Variants in CLCN4 observed in about 807,000 individuals in gnomAD.
CLCN4 encodes the protein Cl-/H+ antiporter 4, also known as H(+)/Cl(-) exchange transporter 4.
A neutral mutation model predicts 41.7 loss-of-function variants in CLCN4; 1 was observed. The ratio of observed to expected loss-of-function variants is 0.02; its 90% CI spans 0.01 to 0.11. The LOEUF (loss-of-function observed/expected upper bound fraction) is 0.11, where lower values mean the gene tolerates loss of function less well. Ranked by LOEUF, CLCN4 falls within the 10% of genes least tolerant of loss-of-function variation. The probability of loss-of-function intolerance (pLI) is 1.00; values close to 1 mark genes in which losing one functional copy is unlikely to be tolerated. For synonymous variants in CLCN4, 277 were observed against 285.8 expected (o/e 0.97, Z 0.31); for missense variants, 287 against 661.0 (o/e 0.43, Z 6.20).
chrX:10,162,678 C>A (rs1854138286), intron 2 of CLCN4, among the ~76,000 whole-genome samples: 1 of 112,212 alleles, frequency 8.9e-6, no homozygotes, highest in Admixed American at 9.4e-5. Flanking sequence ...TATCGCATGT[C>A]ATGTAGCCTC....
intron 2 of CLCN4, among the ~76,000 whole-genome samples, chrX:10,177,862 AG>A (rs1348044713): frequency 2.7e-5 from 3 of 111,999 alleles, no homozygotes; most frequent in Non-Finnish European, 5.6e-5. Context: ...GCCCAAAAGT[AG>A]AAACAACCCA....
Position 10,215,672 on chromosome X carries a change from A to G in CLCN4, c.1975+1593A>G, listed in dbSNP as rs902292984. ...TAAAAACTAAGGTAATAAATGTCAC[A>G]GAATCTATTATCTATTGTATAGCTC... On this transcript the variant is annotated intron_variant, in intron 11 of 12. Coordinates refer to ENST00000380833, the MANE Select transcript of CLCN4 (RefSeq NM_001830.4). Among the ~76,000 whole-genome samples, 13 of 112,331 alleles carry G rather than the reference A, an allele frequency of 1.2e-4. No homozygotes were observed. In the Admixed American group the frequency reaches 1.2e-3, roughly 11 times the overall value.
At chrX:10,200,761 T>C (rs1209834223) in intron 6 of CLCN4, among the ~76,000 whole-genome samples, 1 of 112,161 alleles carries the variant, frequency 8.9e-6, no homozygotes, top group Non-Finnish European at 1.9e-5. Flanking sequence ...TGATCACAGC[T>C]CACTGCAGCT....
intron 2 of CLCN4, among the ~76,000 whole-genome samples, chrX:10,159,066 G>A (rs1835523450): frequency 8.9e-6 from 1 of 112,511 alleles, no homozygotes; most frequent in South Asian, 3.6e-4. Context: ...AGCCAGATGT[G>A]CAATCTAAAT....
chrX:10,186,890 C>T (rs1016214935), intron 3 of CLCN4, among the ~76,000 whole-genome samples: 4 of 111,729 alleles, frequency 3.6e-5, no homozygotes, highest in Non-Finnish European at 5.6e-5. Context: ...CCATCCGGCC[C>T]GCAAAGCCCA....
chrX:10,209,139 C>T (rs912576104), intron 9 of CLCN4, among the ~76,000 whole-genome samples: 1 of 111,348 alleles, frequency 9.0e-6, no homozygotes, highest in Non-Finnish European at 1.9e-5. Context: ...ATGAGCACCA[C>T]GCTGGTATGA....
At chrX:10,172,691 G>C (rs112223982) in intron 2 of CLCN4, among the ~76,000 whole-genome samples, 4 of 109,520 alleles carry the variant, frequency 3.7e-5, no homozygotes, top group African/African-American at 1.3e-4. Flanking sequence ...ATGCGTGTGT[G>C]TGTGTGTGTG....
Position 10,197,975 on chromosome X carries a change from A to G in CLCN4, c.469A>G (p.Ile157Val), listed in dbSNP as rs913431577. ...TTACATTCTGAATTACTTAATGTAC[A>G]TCCTATGGGCGCTGCTGTTTGCATT... is the stretch of plus-strand genomic sequence containing the variant. ...SAYILNYLMYILWALLFAFLA... is the reference protein window; with the variant it reads ...SAYILNYLMYVLWALLFAFLA... Residue 157 changes from isoleucine to valine, a missense_variant, in exon 6 of 13, where the codon ATC becomes GTC. Physicochemically the swap from Ile to Val is conservative, Grantham distance 29 (BLOSUM62 3). Coordinates refer to ENST00000380833, the MANE Select transcript of CLCN4 (RefSeq NM_001830.4). 4 of 1,209,852 alleles carry G rather than the reference A, an allele frequency of 3.3e-6. No homozygotes were observed. In the East Asian group the frequency reaches 1.2e-4, roughly 36 times the overall value.
chrX:10,215,863 G>C (rs960876100), intron 11 of CLCN4, among the ~76,000 whole-genome samples: 2 of 112,092 alleles, frequency 1.8e-5, no homozygotes, highest in Non-Finnish European at 3.8e-5. Context: ...GCACCACACG[G>C]TGTAAATACT....
chrX:10,187,775 G>A (rs973184078), intron 4 of CLCN4, among the ~76,000 whole-genome samples, 161 bp downstream of exon 4: 2 of 112,658 alleles, frequency 1.8e-5, no homozygotes, highest in Admixed American at 9.4e-5. Context: ...AAAATGCATG[G>A]CTGTATATTT....
In CLCN4 at chrX:10,198,154, T is replaced by C. The variant is rs1213231742; in HGVS notation, c.555+93T>C. 34 of 864,298 alleles carry C rather than the reference T, an allele frequency of 3.9e-5. No homozygotes were observed. The Admixed American group carries it at 9.9e-4, about 25-fold the overall frequency. The allele number at this position is 864,298 out of a possible 1,213,427, so 71.2% of individuals were successfully genotyped here. On this transcript the variant is annotated intron_variant, in intron 6 of 12. Coordinates refer to ENST00000380833, the MANE Select transcript of CLCN4 (RefSeq NM_001830.4). ...CCAAGCACAGTTCCAAGCGTTTTAC[T>C]TCTACTAACTCATTAAGTTTCTCAA...
At chrX:10,213,266 A>G (rs766469373) in intron 10 of CLCN4, among the ~76,000 whole-genome samples, 74 of 112,003 alleles carry the variant, frequency 6.6e-4, no homozygotes, top group African/African-American at 2.3e-3. Context: ...TCTCCACCTA[A>G]TCATTCAGGG....
chrX:10,227,587 G>T (rs1418741183), intron 12 of CLCN4, among the ~76,000 whole-genome samples: 1 of 111,616 alleles, frequency 9.0e-6, no homozygotes, highest in Non-Finnish European at 1.9e-5. Flanking sequence ...TAGAAAATGG[G>T]TTGTGCATTA....
At chrX:10,198,191 C>A in intron 6 of CLCN4, 130 bp downstream of exon 6, 1 of 625,475 alleles carries the variant, frequency 1.6e-6, no homozygotes, top group Non-Finnish European at 2.4e-6. Flanking sequence ...AAGACTATGA[C>A]GTAGGTACTA....
chrX:10,187,489 C>G (rs1299749187), intron 3 of CLCN4, 26 bp from the exon 4 acceptor site: 2 of 1,080,367 alleles, frequency 1.9e-6, no homozygotes, highest in Non-Finnish European at 2.6e-6. Flanking sequence ...GCATTCGGAT[C>G]AGTTGCTGTA....
chrX:10,166,972 A>G (rs1161548204), intron 2 of CLCN4, among the ~76,000 whole-genome samples: 1 of 112,131 alleles, frequency 8.9e-6, no homozygotes, highest in African/African-American at 3.2e-5. Context: ...GAAGCCTGCC[A>G]TGGTCACACA....
chrX:10,165,571 G>A (rs1718529652), intron 2 of CLCN4, among the ~76,000 whole-genome samples: 2 of 112,075 alleles, frequency 1.8e-5, no homozygotes, highest in Non-Finnish European at 3.8e-5. Context: ...CTGGGCCTGC[G>A]GCTCCTCTCT....
chrX:10,195,584 A>G (rs943891589), intron 5 of CLCN4, among the ~76,000 whole-genome samples: 1 of 112,088 alleles, frequency 8.9e-6, no homozygotes, highest in African/African-American at 3.2e-5. Flanking sequence ...CGTTACCACA[A>G]TCTAATTTTA....
intron 6 of CLCN4, among the ~76,000 whole-genome samples, chrX:10,198,383 G>C (rs891646193): frequency 1.8e-5 from 2 of 111,798 alleles, no homozygotes; most frequent in Non-Finnish European, 3.8e-5. Flanking sequence ...TTGTAAACCA[G>C]GCATAACTCT....
Sources: gnomAD v4.1 joint callset for allele counts (sites outside exome capture counted in the v4.1 genomes callset) on GRCh38, gnomAD v4.1.1 for gene constraint, MANE v1.5 for transcripts, NCBI Gene and HGNC (gene_info 2026-07-23, HGNC 2026-07-21) for gene names.